The following TAOK3 variants were observed in gnomAD, a reference collection of about 807,000 sequenced individuals.
TAOK3 encodes the protein serine/threonine-protein kinase TAO3.
In TAOK3, 40 loss-of-function variants were observed where a neutral mutation model predicts 120.4. That is an observed-to-expected ratio of 0.33 (90% CI 0.26 to 0.43). The LOEUF is 0.43. Among genes scored for constraint, TAOK3 ranks in the 20% least tolerant of loss-of-function variants. The pLI is 1.00. For synonymous variants in TAOK3, 355 were observed against 387.5 expected (o/e 0.92, Z 0.99); for missense variants, 821 against 1,112.1 (o/e 0.74, Z 3.72).
chr12:118,233,420 A>T (rs923683388), intron 9 of TAOK3, among the ~76,000 whole-genome samples: 5 of 120,026 alleles, frequency 4.2e-5, no homozygotes, highest in African/African-American at 1.3e-4. Flanking sequence ...AAAAAATTAA[A>T]ATAAATAAAT....
At position 118,197,929 on chromosome 12, in the gene TAOK3, C is replaced by T. The variant is rs753192302; in HGVS notation, c.1194+1122G>A. On this transcript the variant is annotated intron_variant, in intron 13 of 20. Coordinates refer to ENST00000392533, the MANE Select transcript of TAOK3 (RefSeq NM_016281.4). The stretch of plus-strand genomic sequence containing the variant: ...GTCTCGATCTCCTGACCTCGTGATC[C>T]GCCCACCTCGGCCATTGCGCCTGGC... Among the ~76,000 whole-genome samples, 11 of 152,038 alleles carry T rather than the reference C, an allele frequency of 7.2e-5. No homozygotes were observed. The South Asian group carries it at 1.7e-3, about 23-fold the overall frequency.
In TAOK3 at chr12:118,371,415, G is replaced by A. The variant is rs1233395992; in HGVS notation, c.-194+1233C>T. ...CAGTGAGAAGAGGTCAGGCCGCGCAGGTCTCTTGATCATTCCAAGATCTTT... is the reference window on the plus strand; with the variant it reads ...CAGTGAGAAGAGGTCAGGCCGCGCAAGTCTCTTGATCATTCCAAGATCTTT... On this transcript the variant is annotated intron_variant, in intron 1 of 20. Coordinates refer to ENST00000392533, the MANE Select transcript of TAOK3 (RefSeq NM_016281.4). The surrounding 1 kb of genome is among the most constrained non-coding windows in gnomAD (Gnocchi z 5.5). 6.6e-6 allele frequency among the ~76,000 whole-genome samples: 1 copy of A among 152,150 alleles called. No individual in the cohort carries two copies. The highest frequency in any genetic ancestry group is 1.5e-5 in the Non-Finnish European group (1 of 68,020).
chr12:118,333,436 T>C, intron 1 of TAOK3, among the ~76,000 whole-genome samples: 1 of 152,088 alleles, frequency 6.6e-6, no homozygotes, highest in East Asian at 1.9e-4. Context: ...TAGATCTGAA[T>C]GGAAGTGAAA....
Position 118,371,813 on chromosome 12 carries a change from G to A in TAOK3, c.-194+835C>T, listed in dbSNP as rs1351237047. Among the ~76,000 whole-genome samples the A allele has an allele frequency of 3.3e-5, 5 of 151,692 alleles. No individual in the cohort carries two copies. Among genetic ancestry groups the A allele is most frequent in the Non-Finnish European group, 7.4e-5 (5 of 67,836 alleles). ...GGGCACCGCTCCTCCCTCGGGGTCC[G>A]CGCCTGCACCCGACGCTCAAAGCCC... On this transcript the variant is annotated intron_variant, in intron 1 of 20. Transcript: ENST00000392533. The surrounding 1 kb of genome is among the most constrained non-coding windows in gnomAD (Gnocchi z 5.5).
At chr12:118,289,202 G>A (rs965253112) in intron 1 of TAOK3, among the ~76,000 whole-genome samples, 2 of 149,570 alleles carry the variant, frequency 1.3e-5, no homozygotes, top group Admixed American at 1.3e-4. Flanking sequence ...TCAGGAGGCT[G>A]AGGCAGGAAA....
chr12:118,218,384 G>A (rs1025348374), intron 9 of TAOK3, among the ~76,000 whole-genome samples: 66 of 152,034 alleles, frequency 4.3e-4, no homozygotes, highest in African/African-American at 1.4e-3. Flanking sequence ...ACTGGTTCCC[G>A]TTCCCCCCTG....
intron 11 of TAOK3, among the ~76,000 whole-genome samples, chr12:118,212,426 C>A (rs1179137709): frequency 6.6e-6 from 1 of 152,178 alleles, no homozygotes; most frequent in South Asian, 2.1e-4. Context: ...GTGGTTAACA[C>A]GATACTCTTA....
At chr12:118,318,716 A>G (rs1479243252) in intron 1 of TAOK3, among the ~76,000 whole-genome samples, 3 of 152,200 alleles carry the variant, frequency 2.0e-5, no homozygotes, top group African/African-American at 4.8e-5. Context: ...TGACCTGGCA[A>G]TCCCACTAAT....
intron 3 of TAOK3, among the ~76,000 whole-genome samples, chr12:118,248,490 A>G (rs2040613782): frequency 6.6e-6 from 1 of 152,120 alleles, no homozygotes; most frequent in Admixed American, 6.6e-5. Context: ...ATTACAATAA[A>G]GGTTAAAGGG....
chr12:118,327,492 A>G (rs1402012855), intron 1 of TAOK3, among the ~76,000 whole-genome samples: 2 of 152,234 alleles, frequency 1.3e-5, no homozygotes, highest in Admixed American at 1.3e-4. Flanking sequence ...ATAGTGAAGG[A>G]AAATGTTTAA....
chr12:118,255,541 T>C lies in TAOK3; in HGVS notation c.27A>G (p.Pro9=). 1 of 1,614,102 alleles carries C rather than the reference T, an allele frequency of 6.2e-7. No homozygotes were observed. The highest frequency in any genetic ancestry group is 8.5e-7 in the Non-Finnish European group (1 of 1,179,976). The change falls in exon 3 of 21, where the codon CCA becomes CCG. Residue 9 remains proline (P), a synonymous_variant. Coordinates refer to ENST00000392533, the MANE Select transcript of TAOK3 (RefSeq NM_016281.4). MRKGVLKD[P]EIADLFYKDD... ...CTTTGTAGAATAGATCGGCAATCTCTGGGTCCTTCAGCACCCCTTTACGCA... is the reference window on the plus strand; with the variant it reads ...CTTTGTAGAATAGATCGGCAATCTCCGGGTCCTTCAGCACCCCTTTACGCA...
chr12:118,272,503 C>T (rs565014881), intron 1 of TAOK3, among the ~76,000 whole-genome samples: 8 of 151,598 alleles, frequency 5.3e-5, no homozygotes, highest in South Asian at 2.1e-4. Context: ...CCAGTGAATT[C>T]GAAAACTCCA....
At position 118,311,333 on chromosome 12, in the gene TAOK3, C is replaced by T. The variant is rs546982402; in HGVS notation, c.-193-44574G>A. On this transcript the variant is annotated intron_variant, in intron 1 of 20. Transcript: ENST00000392533. Reference sequence around the variant, plus strand: ...AAAATTAGCTGGGTGTGGTAGTGGGCACCTGTAATCCCAGCTACTTGGGAG... The same window carrying T: ...AAAATTAGCTGGGTGTGGTAGTGGGTACCTGTAATCCCAGCTACTTGGGAG... Among the ~76,000 whole-genome samples, 29 of 152,190 alleles carry T rather than the reference C, an allele frequency of 1.9e-4. No individual in the cohort carries two copies. In the East Asian group the frequency reaches 5.0e-3, roughly 26 times the overall value.
intron 1 of TAOK3, among the ~76,000 whole-genome samples, chr12:118,366,358 T>C (rs745357111): frequency 3.3e-5 from 5 of 152,226 alleles, no homozygotes; most frequent in African/African-American, 4.8e-5. Flanking sequence ...ATTAAGTTAT[T>C]AATGTATTTA....
intron 1 of TAOK3, among the ~76,000 whole-genome samples, chr12:118,304,072 G>A (rs1157449811): frequency 1.3e-5 from 2 of 152,226 alleles, no homozygotes; most frequent in African/African-American, 4.8e-5. Context: ...CACTGTTTCA[G>A]TGAAGTCATT....
intron 2 of TAOK3, among the ~76,000 whole-genome samples, chr12:118,263,444 A>C (rs2041317235): frequency 6.6e-6 from 1 of 152,212 alleles, no homozygotes; most frequent in Non-Finnish European, 1.5e-5. Context: ...AAAATTTCTT[A>C]GTTAATAACC....
At chr12:118,288,091 A>G (rs1420946049) in intron 1 of TAOK3, among the ~76,000 whole-genome samples, 6 of 151,796 alleles carry the variant, frequency 4.0e-5, no homozygotes, top group Non-Finnish European at 4.4e-5. Flanking sequence ...TTTGTTTGGG[A>G]CAAACAAAAT....
At chr12:118,172,420 C>T in intron 17 of TAOK3, 37 bp downstream of exon 17, 1 of 1,597,176 alleles carries the variant, frequency 6.3e-7, no homozygotes, top group South Asian at 1.1e-5. Flanking sequence ...ATATTGTCTC[C>T]TATGTCAATG....
chr12:118,279,099 T>A (rs1384967254), intron 1 of TAOK3, among the ~76,000 whole-genome samples: 1 of 152,168 alleles, frequency 6.6e-6, no homozygotes, highest in Non-Finnish European at 1.5e-5. Flanking sequence ...ATTACAGGTG[T>A]GAGCCACCAA....
Sources: gnomAD v4.1 joint callset for allele counts (sites outside exome capture counted in the v4.1 genomes callset) on GRCh38, gnomAD v4.1.1 for gene constraint, Gnocchi (gnomAD v3.1) non-coding constraint, MANE v1.5 for transcripts, NCBI Gene and HGNC (gene_info 2026-07-23, HGNC 2026-07-21) for gene names.